The following XKR6 variants were observed in gnomAD, a reference collection of about 807,000 sequenced individuals.
XKR6 encodes XK-related protein 6.
Under a neutral mutation model 56.7 loss-of-function variants are expected in XKR6, and 22 were observed. The observed-to-expected ratio is 0.39, with a 90% CI of 0.28 to 0.55. The LOEUF is 0.55. Among genes scored for constraint, XKR6 ranks in the 20% least tolerant of loss-of-function variants. The pLI, the probability that XKR6 is intolerant of heterozygous loss-of-function variation, is 0.66. For synonymous variants in XKR6, 524 were observed against 387.8 expected (o/e 1.35, Z -4.13); for missense variants, 852 against 889.0 (o/e 0.96, Z 0.53).
At chr8:10,977,000 G>A (rs1043174799) in intron 1 of XKR6, among the ~76,000 whole-genome samples, 7 of 151,980 alleles carry the variant, frequency 4.6e-5, no homozygotes, top group Non-Finnish European at 8.8e-5. Flanking sequence ...CCACAACACC[G>A]AGGCCAGGAC....
Position 11,144,728 on chromosome 8 carries a change from G to A in XKR6, c.764+55848C>T, listed in dbSNP as rs148923860. On this transcript the variant is annotated intron_variant, in intron 1 of 2. Transcript: ENST00000416569. The stretch of plus-strand genomic sequence containing the variant: ...GCTCCTTCCTTCTTTCCTCAAAGCC[G>A]TGCCTGAAACATTCAAACACTACCT... 9.2e-4 allele frequency among the ~76,000 whole-genome samples: 140 copies of A among 152,142 alleles called. 1 individual carries two copies. The highest frequency in any genetic ancestry group is 4.4e-3 in the Admixed American group (67 of 15,274).
rs7821892 is a variant in XKR6 at position 10,912,595 on chromosome 8, T to C, written c.961+12039A>G. ...ATATGTGTGTGTGCATATATATATG[T>C]AGAGAGAGAGAAAGAGGGTGTGTGA... On this transcript the variant is annotated intron_variant, in intron 2 of 2. Coordinates refer to ENST00000416569, the MANE Select transcript of XKR6 (RefSeq NM_173683.4). Among the ~76,000 whole-genome samples, 240 of 140,732 alleles carry C rather than the reference T, an allele frequency of 1.7e-3. 1 individual carries two copies. The highest frequency in any genetic ancestry group is 6.2e-3 in the African/African-American group (232 of 37,616). 92.3% of individuals were successfully genotyped at this position (140,732 alleles called of 152,430 possible). A position where few individuals can be genotyped will look rare whatever the true frequency, so the allele number is the denominator to read the frequency against.
intron 1 of XKR6, among the ~76,000 whole-genome samples, chr8:10,954,866 C>CTCTTTTTT (rs1563309729): frequency 2.2e-5 from 2 of 92,792 alleles, no homozygotes; most frequent in African/African-American, 4.3e-5. Context: ...ACTTCATTCT[C>CTCTTTTTT]TTTTTTTTTT....
rs192598887 is a variant in XKR6 at position 11,055,086 on chromosome 8, A to T, written c.765-130256T>A. Among the ~76,000 whole-genome samples the T allele has an allele frequency of 6.8e-4, 103 of 152,262 alleles. 1 individual carries two copies. The highest frequency in any genetic ancestry group is 2.4e-3 in the African/African-American group (99 of 41,528). On this transcript the variant is annotated intron_variant, in intron 1 of 2. Coordinates refer to ENST00000416569, the MANE Select transcript of XKR6 (RefSeq NM_173683.4). Reference sequence around the variant, plus strand: ...TATTAAATAAAAAATTATTCCCGACACTTATTAAAATGGTAAGGCTGACTT... The same window carrying T: ...TATTAAATAAAAAATTATTCCCGACTCTTATTAAAATGGTAAGGCTGACTT...
chr8:11,090,392 T>C (rs1798027046), intron 1 of XKR6, among the ~76,000 whole-genome samples: 1 of 141,478 alleles, frequency 7.1e-6, no homozygotes, highest in African/African-American at 2.9e-5. Flanking sequence ...CCACTTCCAG[T>C]CGCTTTTTAA....
chr8:11,133,561 G>A (rs549072173), intron 1 of XKR6, among the ~76,000 whole-genome samples: 9 of 152,020 alleles, frequency 5.9e-5, no homozygotes, highest in African/African-American at 2.2e-4. Flanking sequence ...CGGGGAGACT[G>A]AAAAAGGAAT....
chr8:11,190,111 C>G (rs1182662590), intron 1 of XKR6, among the ~76,000 whole-genome samples: 4 of 150,112 alleles, frequency 2.7e-5, no homozygotes, highest in African/African-American at 2.5e-5. Context: ...GAGCCGAGAT[C>G]GCGCCACCGC....
At position 11,176,771 on chromosome 8, in the gene XKR6, C is replaced by A. The variant is rs117930875; in HGVS notation, c.764+23805G>T. Among the ~76,000 whole-genome samples, 453 of 152,128 alleles carry A rather than the reference C, an allele frequency of 3.0e-3. 1 individual carries two copies. Among genetic ancestry groups the A allele is most frequent in the Non-Finnish European group, 4.7e-3 (319 of 68,010 alleles). ...TCTTCCTCAAAGAAAACCCCCACCC[C>A]GCAAAGCCACCAAATCCAAGCAGGA... On this transcript the variant is annotated intron_variant, in intron 1 of 2. Coordinates refer to ENST00000416569, the MANE Select transcript of XKR6 (RefSeq NM_173683.4).
At chr8:11,141,459 C>G (rs969356543) in intron 1 of XKR6, among the ~76,000 whole-genome samples, 1 of 152,132 alleles carries the variant, frequency 6.6e-6, no homozygotes. Flanking sequence ...CCAGGATTCT[C>G]AGTGTAGAAA....
intron 1 of XKR6, among the ~76,000 whole-genome samples, chr8:10,982,032 C>A (rs111860030): frequency 1.3e-5 from 2 of 152,152 alleles, no homozygotes; most frequent in Non-Finnish European, 2.9e-5. Flanking sequence ...CTGTGATCAC[C>A]GCAGAAGCCT....
chr8:11,124,042 C>T, intron 1 of XKR6: 1 of 455,926 alleles, frequency 2.2e-6, no homozygotes, highest in South Asian at 1.5e-5. Context: ...TCTCTAGGCC[C>T]CTCCTGTCCT....
chr8:11,104,509 C>A (rs1368533862), intron 1 of XKR6, among the ~76,000 whole-genome samples: 1 of 152,264 alleles, frequency 6.6e-6, no homozygotes, highest in Non-Finnish European at 1.5e-5. Flanking sequence ...AATCGCCACA[C>A]AGCCCGAATC....
At chr8:10,932,632 G>T (rs1188178415) in intron 1 of XKR6, among the ~76,000 whole-genome samples, 1 of 133,596 alleles carries the variant, frequency 7.5e-6, no homozygotes, top group Non-Finnish European at 1.6e-5. Context: ...GTGTCCATGT[G>T]ATCTCACTGT....
chr8:11,201,374 GA>G lies in XKR6; in HGVS notation c.-36del. ...CTTCCCAGCTCCGGAGGTTGGGGGG[GA>G]GGGACGGCGGGGGGGGGGGGAAGAA... is the stretch of plus-strand genomic sequence containing the variant. On this transcript the variant is annotated 5_prime_UTR_variant, in exon 1 of 3. Transcript: ENST00000416569. The G allele has an allele frequency of 4.5e-6, 6 of 1,341,140 alleles. No individual in the cohort carries two copies. Among genetic ancestry groups the G allele is most frequent in the South Asian group, 1.4e-5 (1 of 69,266 alleles). 83.1% of individuals were successfully genotyped at this position (1,341,140 alleles called of 1,614,324 possible).
intron 1 of XKR6, among the ~76,000 whole-genome samples, chr8:11,055,934 C>A (rs1799672501): frequency 6.6e-6 from 1 of 152,160 alleles, no homozygotes; most frequent in Non-Finnish European, 1.5e-5. Flanking sequence ...GTGTTCCAGG[C>A]AAACTAATTT....
chr8:10,988,422 T>C (rs1378303703), intron 1 of XKR6, among the ~76,000 whole-genome samples: 2 of 152,238 alleles, frequency 1.3e-5, no homozygotes, highest in African/African-American at 4.8e-5. Flanking sequence ...TTTTGTTTTT[T>C]GTTCTGTGGA....
At chr8:10,943,557 G>A (rs994582425) in intron 1 of XKR6, among the ~76,000 whole-genome samples, 5 of 152,012 alleles carry the variant, frequency 3.3e-5, no homozygotes, top group African/African-American at 4.8e-5. Flanking sequence ...CAAGCTCCCC[G>A]CCACATGCCT....
chr8:10,970,604 G>A (rs1802380543), intron 1 of XKR6, among the ~76,000 whole-genome samples: 1 of 151,920 alleles, frequency 6.6e-6, no homozygotes, highest in South Asian at 2.1e-4. Flanking sequence ...AAGACACAGT[G>A]TCTCAACTGT....
intron 1 of XKR6, chr8:11,175,307 A>C: frequency 6.5e-6 from 1 of 153,448 alleles, no homozygotes; most frequent in Non-Finnish European, 1.5e-5. Flanking sequence ...CGTGCTTAAA[A>C]ATGGTGAAAG....
Sources: gnomAD v4.1 joint callset for allele counts (sites outside exome capture counted in the v4.1 genomes callset) on GRCh38, gnomAD v4.1.1 for gene constraint, MANE v1.5 for transcripts, NCBI Gene and HGNC (gene_info 2026-07-23, HGNC 2026-07-21) for gene names.